PLPPR1: variants seen among roughly 807,000 people sequenced by gnomAD.
The protein encoded by PLPPR1 is phospholipid phosphatase-related protein type 1.
PLPPR1 carries 10 observed loss-of-function variants against 33.1 expected under a neutral mutation model. The ratio of observed to expected loss-of-function variants is 0.30; its 90% CI spans 0.19 to 0.51. PLPPR1 has a LOEUF of 0.51. Ranked by LOEUF, PLPPR1 falls within the 20% of genes least tolerant of loss-of-function variation. The pLI, the probability that PLPPR1 is intolerant of heterozygous loss-of-function variation, is 0.97. For missense variants in PLPPR1, 304 were observed against 408.1 expected (o/e 0.74, Z 2.20); for synonymous variants, 151 against 151.0 (o/e 1.00, Z 0.00).
intron 2 of PLPPR1, among the ~76,000 whole-genome samples, chr9:101,226,158 G>A (rs562450669): frequency 6.6e-6 from 1 of 152,226 alleles, no homozygotes; most frequent in African/African-American, 2.4e-5. Context: ...TGTCATGGTA[G>A]CTTTTCCCAA....
intron 1 of PLPPR1, among the ~76,000 whole-genome samples, chr9:101,103,193 T>C (rs1249358403): frequency 3.0e-5 from 4 of 132,838 alleles, no homozygotes; most frequent in Non-Finnish European, 6.4e-5. Context: ...ACCATTGCTT[T>C]TGGTGTTTTG....
chr9:101,250,021 T>C (rs1407194875), intron 2 of PLPPR1, among the ~76,000 whole-genome samples: 1 of 152,090 alleles, frequency 6.6e-6, no homozygotes, highest in Non-Finnish European at 1.5e-5. Flanking sequence ...TGCTGCCTAG[T>C]GCTAGATTGC....
chr9:101,091,149 C>G (rs1274717855), intron 1 of PLPPR1, among the ~76,000 whole-genome samples: 9 of 152,118 alleles, frequency 5.9e-5, no homozygotes, highest in Non-Finnish European at 1.3e-4. Context: ...AGAAGTGAAT[C>G]AACACCTTTC....
At chr9:101,253,216 A>G (rs983001748) in intron 2 of PLPPR1, among the ~76,000 whole-genome samples, 1 of 151,990 alleles carries the variant, frequency 6.6e-6, no homozygotes, top group Non-Finnish European at 1.5e-5. Flanking sequence ...GTCAACAGCA[A>G]TCAGGTGTCT....
intron 2 of PLPPR1, among the ~76,000 whole-genome samples, chr9:101,253,578 A>T (rs768309946): frequency 2.0e-5 from 3 of 152,004 alleles, no homozygotes; most frequent in Non-Finnish European, 4.4e-5. Context: ...ATGCAGCATG[A>T]TTCTTATTTT....
At chr9:101,206,623 T>TA (rs1309864531) in intron 2 of PLPPR1, among the ~76,000 whole-genome samples, 2 of 152,276 alleles carry the variant, frequency 1.3e-5, no homozygotes, top group East Asian at 3.9e-4. Flanking sequence ...TTGGCTCACT[T>TA]ACCAGCAGAG....
chr9:101,154,073 G>A (rs967624831), intron 1 of PLPPR1, among the ~76,000 whole-genome samples: 9 of 152,168 alleles, frequency 5.9e-5, no homozygotes, highest in African/African-American at 2.2e-4. Flanking sequence ...CTTGATCTTG[G>A]TGGATAAGCT....
intron 1 of PLPPR1, among the ~76,000 whole-genome samples, chr9:101,036,099 T>C (rs1260150428): frequency 6.6e-6 from 1 of 152,178 alleles, no homozygotes; most frequent in Non-Finnish European, 1.5e-5. Context: ...TGCATTAAAA[T>C]ATTGTTTACC....
At chr9:101,213,343 A>G (rs1490847409) in intron 2 of PLPPR1, among the ~76,000 whole-genome samples, 1 of 152,226 alleles carries the variant, frequency 6.6e-6, no homozygotes, top group African/African-American at 2.4e-5. Context: ...AAGCAACCAG[A>G]AAGAGATAAA....
chr9:101,131,069 T>C (rs1024015585), intron 1 of PLPPR1, among the ~76,000 whole-genome samples: 17 of 152,204 alleles, frequency 1.1e-4, no homozygotes, highest in African/African-American at 4.1e-4. Context: ...AAATATGTGC[T>C]TAATGGCCTC....
At chr9:101,257,736 T>G (rs1172890083) in intron 2 of PLPPR1, among the ~76,000 whole-genome samples, 1 of 152,112 alleles carries the variant, frequency 6.6e-6, no homozygotes, top group African/African-American at 2.4e-5. Flanking sequence ...AAGTACAGCA[T>G]CAAATATATC....
intron 2 of PLPPR1, among the ~76,000 whole-genome samples, chr9:101,207,415 GT>G (rs1404410394): frequency 6.6e-6 from 1 of 152,124 alleles, no homozygotes; most frequent in Admixed American, 6.6e-5. Context: ...CCTTAGTTCA[GT>G]TTTTTTCAAA....
chr9:101,316,496 G>C (rs1288057098), intron 6 of PLPPR1, among the ~76,000 whole-genome samples: 2 of 151,770 alleles, frequency 1.3e-5, no homozygotes, highest in Non-Finnish European at 2.9e-5. Context: ...GAGCCAGGTA[G>C]AGAGGATGCA....
rs548447188 is a variant in PLPPR1 at position 101,102,121 on chromosome 9, C to G, written c.-46+73019C>G. On this transcript the variant is annotated intron_variant, in intron 1 of 7. Coordinates refer to ENST00000374874, the MANE Select transcript of PLPPR1 (RefSeq NM_207299.2). Reference sequence around the variant, plus strand: ...TTTTTTTTTTTTTTTTTTTGTGGTTCCTATTATAGCTTTATTCTTTTTTTT... The same window carrying G: ...TTTTTTTTTTTTTTTTTTTGTGGTTGCTATTATAGCTTTATTCTTTTTTTT... 7.4e-4 allele frequency among the ~76,000 whole-genome samples: 67 copies of G among 90,702 alleles called. 2 individuals carry two copies. Among genetic ancestry groups the G allele is most frequent in the African/African-American group, 2.9e-3 (65 of 22,656 alleles). The allele number at this position is 90,702 out of a possible 152,430, so 59.5% of individuals were successfully genotyped here. A position where few individuals can be genotyped will look rare whatever the true frequency, so the allele number is the denominator to read the frequency against.
intron 1 of PLPPR1, among the ~76,000 whole-genome samples, chr9:101,176,881 T>C (rs976497959): frequency 1.4e-4 from 21 of 152,060 alleles, no homozygotes; most frequent in African/African-American, 5.1e-4. Flanking sequence ...AAGACACCAA[T>C]GACAGGATAA....
Position 101,280,902 on chromosome 9 carries a change from G to A in PLPPR1, c.253-5202G>A, listed in dbSNP as rs548982458. 5.3e-5 allele frequency among the ~76,000 whole-genome samples: 8 copies of A among 152,084 alleles called. No individual in the cohort carries two copies. The South Asian group carries it at 6.2e-4, about 12-fold the overall frequency. On this transcript the variant is annotated intron_variant, in intron 3 of 7. Transcript: ENST00000374874. ...ACTTTCACCACTGTTATTCAATATA[G>A]GACTGGAAGTGCTAGCTAGAGCAAT...
intron 1 of PLPPR1, among the ~76,000 whole-genome samples, chr9:101,124,478 G>A (rs1831219928): frequency 6.6e-6 from 1 of 152,066 alleles, no homozygotes. Context: ...CCATGTCATG[G>A]GGATTGCACC....
At chr9:101,252,257 T>G (rs1827725627) in intron 2 of PLPPR1, among the ~76,000 whole-genome samples, 1 of 152,286 alleles carries the variant, frequency 6.6e-6, no homozygotes, top group East Asian at 1.9e-4. Flanking sequence ...TGCACAGGTA[T>G]AGAACATTTC....
chr9:101,051,257 A>G (rs549362369), intron 1 of PLPPR1, among the ~76,000 whole-genome samples: 89 of 151,704 alleles, frequency 5.9e-4, no homozygotes, highest in African/African-American at 1.7e-3. Context: ...TACTACTACT[A>G]CTACTACTAC....
Sources: allele counts gnomAD v4.1 joint callset (sites outside exome capture counted in the v4.1 genomes callset), GRCh38; gene constraint gnomAD v4.1.1; transcripts MANE v1.5; gene names NCBI Gene and HGNC (gene_info 2026-07-23, HGNC 2026-07-21).